AOPEP: variants seen among roughly 807,000 people sequenced by gnomAD.
AOPEP encodes the protein aminopeptidase O (putative), also known as aminopeptidase O.
In AOPEP, 77 loss-of-function variants were observed where a neutral mutation model predicts 98.1. That is an observed-to-expected ratio of 0.78 (90% CI 0.65 to 0.95). The LOEUF is 0.95. AOPEP is among the 40% of genes least tolerant of loss of function. The pLI, the probability that AOPEP is intolerant of heterozygous loss-of-function variation, is 0.00. For synonymous variants in AOPEP, 346 were observed against 365.3 expected, an observed-to-expected ratio of 0.95 and a Z score of 0.60; for missense variants, 1,024 against 1,024.7, an observed-to-expected ratio of 1.00 and a Z score of 0.01.
At chr9:94,883,027 T>C (rs1042375093) in intron 5 of AOPEP, among the ~76,000 whole-genome samples, 1 of 152,234 alleles carries the variant, frequency 6.6e-6, no homozygotes, top group African/African-American at 2.4e-5. Context: ...TCTGATGCTA[T>C]ACCCAGTGCA....
intron 1 of AOPEP, among the ~76,000 whole-genome samples, chr9:94,752,966 G>T (rs1004540054): frequency 2.6e-5 from 4 of 152,286 alleles, no homozygotes; most frequent in African/African-American, 9.6e-5. Flanking sequence ...CATTCCAAAA[G>T]CTCAGTGTTA....
At chr9:94,996,292 C>G (rs10993445) in intron 11 of AOPEP, among the ~76,000 whole-genome samples, 5,496 of 150,978 alleles carry the variant, frequency 0.036, 216 homozygotes, top group East Asian at 0.11. Context: ...TCTCTCATAT[C>G]TTATTTATAT....
intron 9 of AOPEP, among the ~76,000 whole-genome samples, chr9:94,962,730 CTTTTTTTTT>C (rs3992777): frequency 1.5e-4 from 19 of 129,736 alleles, no homozygotes; most frequent in African/African-American, 5.0e-4. Context: ...ATATTATCAT[CTTTTTTTTT>C]TTTTTTTTTT....
At chr9:94,989,303 T>C (rs529127320) in intron 11 of AOPEP, among the ~76,000 whole-genome samples, 20 of 152,100 alleles carry the variant, frequency 1.3e-4, no homozygotes, top group African/African-American at 4.8e-4. Context: ...GGGGTTTCAC[T>C]GTGTTAGCGA....
At chr9:95,121,903 G>A in the AOPEP span, among the ~76,000 whole-genome samples, 1 of 150,924 alleles carries the variant, frequency 6.6e-6, no homozygotes, top group Non-Finnish European at 1.5e-5. Context: ...TGTCGCCCAG[G>A]CTGGAGTGCA....
chr9:94,861,844 G>A (rs935716547), intron 5 of AOPEP, among the ~76,000 whole-genome samples: 29 of 152,336 alleles, frequency 1.9e-4, no homozygotes, highest in African/African-American at 6.7e-4. Context: ...TGCTTCTGTA[G>A]GACCTGCTCT....
Position 95,001,870 on chromosome 9 carries a change from C to T in AOPEP, c.1978-3288C>T, listed in dbSNP as rs570172047. On this transcript the variant is annotated intron_variant, in intron 11 of 16. Transcript: ENST00000375315. ...ATGGCTCACCGTAGCCTCTGCCTCC[C>T]GGGCTCAAGTGATCCTCCCACCTCA... 8.9e-4 allele frequency among the ~76,000 whole-genome samples: 135 copies of T among 151,998 alleles called. 3 individuals carry two copies. The South Asian group carries it at 0.021, about 23-fold the overall frequency.
chr9:95,033,784 T>C (rs1190430894), intron 13 of AOPEP, among the ~76,000 whole-genome samples: 8 of 152,234 alleles, frequency 5.3e-5, no homozygotes, highest in Non-Finnish European at 1.2e-4. Context: ...CTTTCTTTTG[T>C]AACATTATAG....
chr9:94,819,513 GT>G (rs1420906312), intron 5 of AOPEP, among the ~76,000 whole-genome samples: 1 of 152,224 alleles, frequency 6.6e-6, no homozygotes, highest in Non-Finnish European at 1.5e-5. Flanking sequence ...GTAACTGTGT[GT>G]CTTGGTTGAG....
chr9:94,921,776 G>T (rs2053649165), intron 5 of AOPEP, among the ~76,000 whole-genome samples: 1 of 152,136 alleles, frequency 6.6e-6, no homozygotes, highest in African/African-American at 2.4e-5. Flanking sequence ...GTTCCCAGCC[G>T]GAAAATTGCT....
the AOPEP span, among the ~76,000 whole-genome samples, chr9:95,108,841 A>AT: frequency 6.6e-6 from 1 of 151,582 alleles, no homozygotes; most frequent in South Asian, 2.1e-4. Context: ...TGTATCTTTC[A>AT]TTTTTCTCTC....
chr9:94,855,222 C>T (rs545323313), intron 5 of AOPEP, among the ~76,000 whole-genome samples: 58 of 152,062 alleles, frequency 3.8e-4, no homozygotes, highest in African/African-American at 1.3e-3. Flanking sequence ...GGACTACAGG[C>T]GTGTGCCACC....
intron 7 of AOPEP, among the ~76,000 whole-genome samples, chr9:94,948,596 G>T (rs1232729200): frequency 2.0e-5 from 3 of 152,006 alleles, no homozygotes; most frequent in Non-Finnish European, 4.4e-5. Context: ...GCAGAGATCT[G>T]TGATCACATA....
At chr9:95,120,049 T>C in the AOPEP span, among the ~76,000 whole-genome samples, 2 of 152,310 alleles carry the variant, frequency 1.3e-5, no homozygotes, top group Admixed American at 1.3e-4. Context: ...AATTTATCCA[T>C]TTTTTCCTAT....
intron 5 of AOPEP, among the ~76,000 whole-genome samples, chr9:94,854,657 T>A (rs2043959586): frequency 6.6e-6 from 1 of 152,240 alleles, no homozygotes; most frequent in Non-Finnish European, 1.5e-5. Context: ...AAAACATGCT[T>A]GCTAACTGCA....
At chr9:95,099,736 G>T in the AOPEP span, 1 of 232,638 alleles carries the variant, frequency 4.3e-6, no homozygotes, top group Non-Finnish European at 8.5e-6. Context: ...CCACCGGCAA[G>T]GCCGCCTCCA....
At chr9:95,090,430 G>A (rs191646380), downstream of AOPEP, among the ~76,000 whole-genome samples, 233 of 152,308 alleles carry the variant, frequency 1.5e-3, 2 homozygotes, top group Admixed American at 3.8e-3. Flanking sequence ...CCCTGCTGCC[G>A]CCTCCGGCTG....
intron 13 of AOPEP, among the ~76,000 whole-genome samples, chr9:95,018,140 G>T (rs954584018): frequency 1.3e-5 from 2 of 152,124 alleles, no homozygotes; most frequent in African/African-American, 4.8e-5. Context: ...TTTCTCTTGG[G>T]TGGGTACCTA....
At chr9:95,141,734 C>T in the AOPEP span, among the ~76,000 whole-genome samples, 1 of 152,076 alleles carries the variant, frequency 6.6e-6, no homozygotes, top group Non-Finnish European at 1.5e-5. Flanking sequence ...GAGTAAACTA[C>T]TAATACATAA....
Sources: allele counts gnomAD v4.1 joint callset (sites outside exome capture counted in the v4.1 genomes callset), GRCh38; gene constraint gnomAD v4.1.1; transcripts MANE v1.5; gene names NCBI Gene and HGNC (gene_info 2026-07-23, HGNC 2026-07-21).